Variants in SF3A2 observed in about 807,000 individuals in gnomAD.
SF3A2 encodes the protein SAP 62.
In SF3A2, 5 loss-of-function variants were observed where a neutral mutation model predicts 31.1. That is an observed-to-expected ratio of 0.16 (90% CI 0.08 to 0.34). The LOEUF (loss-of-function observed/expected upper bound fraction) is 0.34. Among genes scored for constraint, SF3A2 ranks in the 10% least tolerant of loss-of-function variants. The pLI is 1.00. For synonymous variants in SF3A2, 365 were observed against 263.7 expected (o/e 1.38, Z -3.72); for missense variants, 577 against 643.9 (o/e 0.90, Z 1.13).
intron 1 of SF3A2, among the ~76,000 whole-genome samples, chr19:2,238,212 C>T (rs181070377): frequency 6.6e-6 from 1 of 152,070 alleles, no homozygotes; most frequent in Non-Finnish European, 1.5e-5. Context: ...TTTGTAGAGA[C>T]GAGGTTTCGC....
chr19:2,245,805 C>T lies in SF3A2; in HGVS notation c.355+250C>T. 3 of 528,752 alleles carry T rather than the reference C, an allele frequency of 5.7e-6. No individual in the cohort carries two copies. In the Admixed American group the frequency reaches 9.9e-5, roughly 17 times the overall value. 32.8% of individuals were successfully genotyped at this position (528,752 alleles called of 1,614,324 possible). On this transcript the variant is annotated intron_variant, in intron 5 of 8. Transcript: ENST00000221494. This position sits in a 1 kb window ranked among gnomAD's most constrained non-coding sequence, Gnocchi z 4.2. ...TGAGCCACAGTCTGTGCCCTCCTGT[C>T]CGGGTCTTGTGGAAGCTTCTGGGAA...
intron 1 of SF3A2, 67 bp from the exon 2 acceptor site, chr19:2,243,315 C>G: frequency 1.5e-6 from 2 of 1,339,072 alleles, no homozygotes; most frequent in Non-Finnish European, 2.0e-6. Flanking sequence ...CCAGCCCGCC[C>G]AGGGAGGTCC....
At position 2,245,565 on chromosome 19, in the gene SF3A2, C is replaced by T. The variant is rs1025923985; in HGVS notation, c.355+10C>T. ...CGCCCGGGCTACAAAGGTGAGTCTG[C>T]CCGCAGCGGGGCCGGCCACAGCCGC... On this transcript the variant is annotated intron_variant, in intron 5 of 8. Transcript: ENST00000221494. The surrounding 1 kb of genome is among the most constrained non-coding windows in gnomAD (Gnocchi z 4.2). The T allele has an allele frequency of 6.5e-7, 1 of 1,538,106 alleles. No individual in the cohort carries two copies. The highest frequency in any genetic ancestry group is 1.4e-5 in the African/African-American group (1 of 72,812).
At chr19:2,243,734 T>C (rs969170739) in intron 2 of SF3A2, among the ~76,000 whole-genome samples, 190 bp downstream of exon 2, 1 of 152,244 alleles carries the variant, frequency 6.6e-6, no homozygotes, top group Non-Finnish European at 1.5e-5. Flanking sequence ...AGACCCTCTG[T>C]GGCTCTGAGT....
chr19:2,246,650 C>A lies in SF3A2; in HGVS notation c.356-103C>A. 1 of 1,370,066 alleles carries A rather than the reference C, an allele frequency of 7.3e-7. No individual in the cohort carries two copies. Among genetic ancestry groups the A allele is most frequent in the East Asian group, 2.4e-5 (1 of 41,062 alleles). 84.9% of individuals were successfully genotyped at this position (1,370,066 alleles called of 1,614,324 possible). ...TGGTTGCCAGAGCTGCAGGGCCTCC[C>A]CCGGGGTCCCGCTCTCGTTCAGTGG... On this transcript the variant is annotated intron_variant, in intron 5 of 8. Transcript: ENST00000221494. The surrounding 1 kb of genome is among the most constrained non-coding windows in gnomAD (Gnocchi z 5.5).
chr19:2,243,288 G>C lies in SF3A2; in HGVS notation c.-37-94G>C, dbSNP rs567440899. On this transcript the variant is annotated intron_variant, in intron 1 of 8. Transcript: ENST00000221494. Reference sequence around the variant, plus strand: ...CGCTGGGAGTGCAGGGTGAGGGGCAGTCTCGAGGGCTCCAGCCCAGCCCGC... The same window carrying C: ...CGCTGGGAGTGCAGGGTGAGGGGCACTCTCGAGGGCTCCAGCCCAGCCCGC... The C allele has an allele frequency of 1.9e-5, 20 of 1,059,082 alleles. 1 individual carries two copies. The highest frequency in any genetic ancestry group is 2.3e-4 in the Middle Eastern group (1 of 4,260). 65.6% of individuals were successfully genotyped at this position (1,059,082 alleles called of 1,614,324 possible).
intron 2 of SF3A2, 66 bp from the exon 3 acceptor site, chr19:2,244,478 T>C: frequency 1.5e-6 from 2 of 1,316,338 alleles, no homozygotes; most frequent in East Asian, 2.4e-5. Flanking sequence ...GGATCCCGCC[T>C]CTGAGGGCCT....
Position 2,241,302 on chromosome 19 carries a change from G to A in SF3A2, c.-37-2080G>A, listed in dbSNP as rs180689754. 5.4e-4 allele frequency among the ~76,000 whole-genome samples: 82 copies of A among 152,210 alleles called. No individual in the cohort carries two copies. The East Asian group carries it at 0.015, about 27-fold the overall frequency. On this transcript the variant is annotated intron_variant, in intron 1 of 8. Transcript: ENST00000221494. ...AGGCCGATTCCCTGCCTTCTCACAC[G>A]TTCCCCCGAGCGAGGGCTTGGTTCG...
Position 2,248,078 on chromosome 19 carries a change from C to A in SF3A2, c.927C>A (p.His309Gln), listed in dbSNP as rs529347268. The A allele has an allele frequency of 4.4e-6, 4 of 907,568 alleles. No individual in the cohort carries two copies. Among genetic ancestry groups the A allele is most frequent in the South Asian group, 1.4e-5 (1 of 69,692 alleles). 56.2% of individuals were successfully genotyped at this position (907,568 alleles called of 1,614,324 possible). The change falls in exon 9 of 9, where the codon CAC becomes CAA. Residue 309 changes from histidine to glutamine, a missense_variant. Physicochemically the swap from His to Gln is conservative, Grantham distance 24. Around this residue, in one of 6 missense-constraint regions of SF3A2, gnomAD observed 462 missense variants for 339.1 expected, o/e 1.36. Coordinates refer to ENST00000221494, the MANE Select transcript of SF3A2 (RefSeq NM_007165.5). Reference protein sequence around the residue: ...SGVHPPAPGVHPPAPGVHPPA... With the variant: ...SGVHPPAPGVQPPAPGVHPPA... Reference sequence around the variant, plus strand: ...TCCATCCCCCAGCTCCTGGCGTCCACCCCCCAGCTCCTGGCGTCCATCCCC... The same window carrying A: ...TCCATCCCCCAGCTCCTGGCGTCCAACCCCCAGCTCCTGGCGTCCATCCCC...
At chr19:2,238,275 G>T (rs1249095606) in intron 1 of SF3A2, among the ~76,000 whole-genome samples, 1 of 152,192 alleles carries the variant, frequency 6.6e-6, no homozygotes, top group Non-Finnish European at 1.5e-5. Flanking sequence ...ACCTGCCACG[G>T]CCTCCCAAAG....
chr19:2,246,866 G>T lies in SF3A2; in HGVS notation c.406-16G>T, dbSNP rs200981649. 1.1e-5 allele frequency: 17 copies of T among 1,612,550 alleles called. No individual in the cohort carries two copies. In the East Asian group the frequency reaches 2.7e-4, roughly 25 times the overall value. ...CACCCAAGAGGCGGCTCTGCCACCC[G>T]GCCGTGTCCCTGCAGATTGACTACC... On this transcript the variant is annotated splice_polypyrimidine_tract_variant and intron_variant, in intron 6 of 8. Transcript: ENST00000221494. This position sits in a 1 kb window ranked among gnomAD's most constrained non-coding sequence, Gnocchi z 5.5.
Position 2,247,903 on chromosome 19 carries a change from T to TGCCACC in SF3A2, c.756_761dup (p.Pro255_Pro256dup), listed in dbSNP as rs2024955198. ...CCTCGGCCACCGCTGCCTGAGTCTT[T>TGCCACC]GCCACCGCCCCCGCCAGGAGGCCTG... On this transcript the variant is annotated inframe_insertion, in exon 9 of 9. Coordinates refer to ENST00000221494, the MANE Select transcript of SF3A2 (RefSeq NM_007165.5). The TGCCACC allele has an allele frequency of 6.3e-7, 1 of 1,580,170 alleles. No homozygotes were observed.
In SF3A2 at chr19:2,247,544, G is replaced by A. The variant is rs199795996; in HGVS notation, c.547-50G>A. On this transcript the variant is annotated intron_variant, in intron 7 of 8. Transcript: ENST00000221494. Reference sequence around the variant, plus strand: ...GCCTCGGGCTCCCTGCCTGATGGTCGCCCTGAGGTCACAGGGACCAGGAGC... The same window carrying A: ...GCCTCGGGCTCCCTGCCTGATGGTCACCCTGAGGTCACAGGGACCAGGAGC... 1,143 of 1,590,518 alleles carry A rather than the reference G, an allele frequency of 7.2e-4. 1 individual carries two copies. Among genetic ancestry groups the A allele is most frequent in the Non-Finnish European group, 9.3e-4 (1,082 of 1,160,404 alleles).
At chr19:2,243,966 T>C (rs910544413) in intron 2 of SF3A2, among the ~76,000 whole-genome samples, 6 of 152,182 alleles carry the variant, frequency 3.9e-5, no homozygotes, top group African/African-American at 1.4e-4. Context: ...GCCTGGCCTA[T>C]GGCAAGGGCT....
intron 2 of SF3A2, 109 bp from the exon 3 acceptor site, chr19:2,244,435 G>A: frequency 3.7e-6 from 3 of 815,962 alleles, no homozygotes; most frequent in Non-Finnish European, 6.1e-6. Flanking sequence ...CTCTACAGAA[G>A]GGGGGTTCTG....
At chr19:2,242,647 A>T (rs767806275) in intron 1 of SF3A2, among the ~76,000 whole-genome samples, 4 of 152,158 alleles carry the variant, frequency 2.6e-5, no homozygotes, top group Non-Finnish European at 4.4e-5. Context: ...AAGACCCTTA[A>T]ACCAGGGCCC....
chr19:2,244,670 A>G, intron 3 of SF3A2, 55 bp downstream of exon 3: 2 of 1,610,852 alleles, frequency 1.2e-6, no homozygotes, highest in East Asian at 4.5e-5. Flanking sequence ...GGCTGACGTC[A>G]GGGGGACCTG....
In SF3A2 at chr19:2,245,416, G is replaced by A. The variant is rs2024923314; in HGVS notation, c.246-30G>A. On this transcript the variant is annotated intron_variant, in intron 4 of 8. Transcript: ENST00000221494. This position sits in a 1 kb window ranked among gnomAD's most constrained non-coding sequence, Gnocchi z 4.2. ...GGCTTTGGTGCCTGTGTGTGGAGGGGTCCCAGCAGCACCTCCATCCTGTCC... is the reference window on the plus strand; with the variant it reads ...GGCTTTGGTGCCTGTGTGTGGAGGGATCCCAGCAGCACCTCCATCCTGTCC... 6.6e-7 allele frequency: 1 copy of A among 1,512,132 alleles called. No individual in the cohort carries two copies. Among genetic ancestry groups the A allele is most frequent in the South Asian group, 1.2e-5 (1 of 83,288 alleles). 93.7% of individuals were successfully genotyped at this position (1,512,132 alleles called of 1,614,324 possible). A position where few individuals can be genotyped will look rare whatever the true frequency, so the allele number is the denominator to read the frequency against.
At chr19:2,244,862 C>A in intron 4 of SF3A2, 83 bp downstream of exon 4, 1 of 1,356,708 alleles carries the variant, frequency 7.4e-7, no homozygotes, top group Non-Finnish European at 1.0e-6. Flanking sequence ...GCCACTGCTC[C>A]ACAGCCGGGG....
Sources: allele counts gnomAD v4.1 joint callset (sites outside exome capture counted in the v4.1 genomes callset), GRCh38; gene constraint gnomAD v4.1.1; regional missense constraint gnomAD v4.1.1; non-coding constraint Gnocchi (gnomAD v3.1); transcripts MANE v1.5; gene names NCBI Gene and HGNC (gene_info 2026-07-23, HGNC 2026-07-21).